RAB11FIP1: variants seen among roughly 807,000 people sequenced by gnomAD.
RAB11FIP1 encodes RAB11 family interacting protein 1, also known as rab11 family-interacting protein 1.
Under a neutral mutation model 83.1 loss-of-function variants are expected in RAB11FIP1, and 49 were observed. The observed-to-expected ratio is 0.59, with a 90% confidence interval of 0.47 to 0.75. RAB11FIP1 has a LOEUF of 0.75. Ranked by LOEUF, RAB11FIP1 falls within the 30% of genes least tolerant of loss-of-function variation. The pLI is 0.00. For missense variants in RAB11FIP1, 1,536 were observed against 1,598.7 expected, an observed-to-expected ratio of 0.96 and a Z score of 0.67; for synonymous variants, 670 against 656.0, an observed-to-expected ratio of 1.02 and a Z score of -0.33.
chr8:37,893,693 G>A (rs1051421731), intron 1 of RAB11FIP1, among the ~76,000 whole-genome samples: 7 of 152,120 alleles, frequency 4.6e-5, no homozygotes, highest in African/African-American at 1.7e-4. Context: ...GGGAAGCTGA[G>A]CTGGGAGGAT....
At chr8:37,868,022 G>C (rs1266958364) in intron 5 of RAB11FIP1, among the ~76,000 whole-genome samples, 1 of 152,096 alleles carries the variant, frequency 6.6e-6, no homozygotes, top group Non-Finnish European at 1.5e-5. Flanking sequence ...GAGGTAGGAC[G>C]ATCACTTGAG....
intron 1 of RAB11FIP1, among the ~76,000 whole-genome samples, chr8:37,895,249 ATATATATATAT>A (rs1563376587): frequency 8.5e-5 from 1 of 11,748 alleles, no homozygotes; most frequent in Non-Finnish European, 1.4e-4. Flanking sequence ...ATATATATAT[ATATATATATAT>A]TTTTTTTTTT....
Position 37,871,906 on chromosome 8 carries a change from C to T in RAB11FIP1, c.2896G>A (p.Ala966Thr), listed in dbSNP as rs375424635. 1.7e-5 allele frequency: 28 copies of T among 1,614,050 alleles called. 1 individual carries two copies. The East Asian group carries it at 3.6e-4, about 21-fold the overall frequency. The change falls in exon 4 of 6, where the codon GCA becomes ACA. Residue 966 changes from alanine to threonine, a missense_variant. Transcript: ENST00000330843. Reference sequence around the variant, plus strand: ...TGATCTATTCTTTCATCATCCGATGCGACTTCAGGAATGGAAGGAAGGCTT... The same window carrying T: ...TGATCTATTCTTTCATCATCCGATGTGACTTCAGGAATGGAAGGAAGGCTT... ...NLSLPSIPEV[A>T]SDDERIDQVE... is the part of the protein sequence containing the mutation.
chr8:37,890,257 C>A (rs1014370589), intron 1 of RAB11FIP1, among the ~76,000 whole-genome samples: 1 of 152,288 alleles, frequency 6.6e-6, no homozygotes, highest in East Asian at 1.9e-4. Context: ...TTTATAATAA[C>A]CAGAGGCCTC....
intron 1 of RAB11FIP1, among the ~76,000 whole-genome samples, chr8:37,888,507 C>G (rs753552947): frequency 2.0e-5 from 3 of 152,024 alleles, no homozygotes; most frequent in Non-Finnish European, 4.4e-5. Context: ...TTTTTTCAGA[C>G]GGGCTCTGTT....
chr8:37,885,481 A>G (rs571909774), intron 1 of RAB11FIP1, among the ~76,000 whole-genome samples: 34 of 152,304 alleles, frequency 2.2e-4, no homozygotes, highest in South Asian at 2.1e-4. Context: ...ACAGACAAGC[A>G]AAACTGTGTA....
In RAB11FIP1 at chr8:37,875,260, G is replaced by C; in HGVS notation, c.877C>G (p.Leu293Val). The change falls in exon 3 of 6, where the codon CTT becomes GTT. Residue 293 changes from leucine to valine, a missense_variant. Coordinates refer to ENST00000330843, the MANE Select transcript of RAB11FIP1 (RefSeq NM_001002814.3). ...AAGGAAAGTCCTTCCTTCTTGGGAAGGGTAAAGTTGACCTGGTTCAGTTGC... is the reference window on the plus strand; with the variant it reads ...AAGGAAAGTCCTTCCTTCTTGGGAACGGTAAAGTTGACCTGGTTCAGTTGC... ...LKQLNQVNFT[L>V]PKKEGLSFLG... 1 of 1,614,030 alleles carries C rather than the reference G, an allele frequency of 6.2e-7. No individual in the cohort carries two copies. The highest frequency in any genetic ancestry group is 1.6e-4 in the Middle Eastern group (1 of 6,062).
intron 5 of RAB11FIP1, among the ~76,000 whole-genome samples, chr8:37,867,687 A>G (rs769877155): frequency 1.7e-4 from 26 of 151,502 alleles, no homozygotes; most frequent in African/African-American, 6.1e-4. Context: ...AGCCTGATCA[A>G]CCAGAGCGAA....
Position 37,861,668 on chromosome 8 carries a change from A to G in RAB11FIP1, c.*1227T>C. On this transcript the variant is annotated 3_prime_UTR_variant, in exon 6 of 6. Transcript: ENST00000330843. ...CAGTGGCACGATCTTGGCTCGCTGC[A>G]GCCTCCATCTCCCAAGTTCAAGCAA... is the stretch of plus-strand genomic sequence containing the variant. The G allele has an allele frequency of 2.4e-6, 1 of 411,000 alleles. No individual in the cohort carries two copies. Among genetic ancestry groups the G allele is most frequent in the Non-Finnish European group, 4.7e-6 (1 of 213,198 alleles). The allele number at this position is 411,000 out of a possible 1,614,324, so 25.5% of individuals were successfully genotyped here.
intron 1 of RAB11FIP1, among the ~76,000 whole-genome samples, chr8:37,895,755 T>C (rs1308824451): frequency 6.6e-6 from 1 of 151,952 alleles, no homozygotes; most frequent in Admixed American, 6.6e-5. Flanking sequence ...AGAAAACAAA[T>C]GGAAATATTT....
chr8:37,880,447 T>A (rs748615497), intron 1 of RAB11FIP1, among the ~76,000 whole-genome samples: 1 of 151,996 alleles, frequency 6.6e-6, no homozygotes, highest in South Asian at 2.1e-4. Context: ...TACAGGTATA[T>A]GCCACAATGC....
chr8:37,877,821 G>C, intron 1 of RAB11FIP1: 1 of 303,728 alleles, frequency 3.3e-6, no homozygotes, highest in Non-Finnish European at 6.0e-6. Context: ...CTGGGTTCAA[G>C]TGATTCTCCT....
At position 37,872,248 on chromosome 8, in the gene RAB11FIP1, C is replaced by G. The variant is rs1212127764; in HGVS notation, c.2554G>C (p.Glu852Gln). Residue 852 changes from glutamate (E) to glutamine (Q), a missense_variant, in exon 4 of 6, where the codon GAG becomes CAG. By Grantham distance (29) the Glu-to-Gln change is conservative. Transcript: ENST00000330843. ...TCTGCGTGGGGAGACTCAGGAGGCTCTCCGTCAGACGCGTTTCCAGCAACA... is the reference window on the plus strand; with the variant it reads ...TCTGCGTGGGGAGACTCAGGAGGCTGTCCGTCAGACGCGTTTCCAGCAACA... ...WSVAGNASDG[E>Q]PPESPHAEDS... 1 of 1,614,006 alleles carries G rather than the reference C, an allele frequency of 6.2e-7. No homozygotes were observed. Among genetic ancestry groups the G allele is most frequent in the Non-Finnish European group, 8.5e-7 (1 of 1,179,938 alleles).
intron 5 of RAB11FIP1, among the ~76,000 whole-genome samples, chr8:37,863,864 AACCAAAC>A (rs1806290133): frequency 6.6e-6 from 1 of 152,182 alleles, no homozygotes; most frequent in South Asian, 2.1e-4. Context: ...GAGCTCACAC[AACCAAAC>A]ACCAGTGCAG....
intron 5 of RAB11FIP1, among the ~76,000 whole-genome samples, chr8:37,868,664 G>A (rs778823166): frequency 7.9e-5 from 12 of 152,120 alleles, no homozygotes; most frequent in Non-Finnish European, 8.8e-5. Context: ...CAGATAATGA[G>A]TTGAAGACCA....
Position 37,859,130 on chromosome 8 carries a change from A to G in RAB11FIP1, c.*3765T>C, listed in dbSNP as rs1413126872. 1 of 152,250 alleles carries G rather than the reference A, an allele frequency of 6.6e-6. No homozygotes were observed. The highest frequency in any genetic ancestry group is 1.5e-5 in the Non-Finnish European group (1 of 68,056). 9.4% of individuals were successfully genotyped at this position (152,250 alleles called of 1,614,324 possible). ...AGGGCGTCAGTTAAGTAGCTCACAC[A>G]GTAGATATGGAGACACCATATGGAG... On this transcript the variant is annotated 3_prime_UTR_variant, in exon 6 of 6. Coordinates refer to ENST00000330843, the MANE Select transcript of RAB11FIP1 (RefSeq NM_001002814.3).
At position 37,899,211 on chromosome 8, in the gene RAB11FIP1, C is replaced by A. The variant is rs765076771; in HGVS notation, c.231G>T (p.Leu77=). Residue 77 remains leucine (L), a synonymous_variant, in exon 1 of 6, where the codon CTG becomes CTT. Transcript: ENST00000330843. The surrounding 1 kb of genome is among the most constrained non-coding windows in gnomAD (Gnocchi z 4.5). Reference sequence around the variant, plus strand: ...CGGCGGCCGCGGGTCCGGAGGACAGCAGCGATGGCAGCTCGAAGGTGGCCT... The same window carrying A: ...CGGCGGCCGCGGGTCCGGAGGACAGAAGCGATGGCAGCTCGAAGGTGGCCT... ...REEATFELPS[L]LSSGPAAAAT... 6 of 1,577,882 alleles carry A rather than the reference C, an allele frequency of 3.8e-6. No individual in the cohort carries two copies. In the Admixed American group the frequency reaches 9.0e-5, roughly 24 times the overall value.
At chr8:37,876,338 C>T (rs1321463133) in intron 2 of RAB11FIP1, among the ~76,000 whole-genome samples, 2 of 151,516 alleles carry the variant, frequency 1.3e-5, no homozygotes, top group Non-Finnish European at 2.9e-5. Context: ...TCACACCGGT[C>T]ATAAGAGCCC....
intron 1 of RAB11FIP1, among the ~76,000 whole-genome samples, chr8:37,891,793 T>G (rs946471953): frequency 6.6e-6 from 1 of 152,192 alleles, no homozygotes; most frequent in South Asian, 2.1e-4. Flanking sequence ...TATGTTCTCC[T>G]TTTCTTAGTC....
Sources: gnomAD v4.1 joint callset for allele counts (sites outside exome capture counted in the v4.1 genomes callset) on GRCh38, gnomAD v4.1.1 for gene constraint, Gnocchi (gnomAD v3.1) non-coding constraint, MANE v1.5 for transcripts, NCBI Gene and HGNC (gene_info 2026-07-23, HGNC 2026-07-21) for gene names.